KREMEN1: variants seen among roughly 807,000 people sequenced by gnomAD.
KREMEN1 encodes the protein kremen protein 1.
In KREMEN1, 30 loss-of-function variants were observed where a neutral mutation model predicts 46.5. That is an observed-to-expected ratio of 0.65 (90% CI 0.48 to 0.88). KREMEN1 has a LOEUF of 0.88. Ranked by LOEUF, KREMEN1 falls within the 40% of genes least tolerant of loss-of-function variation. The pLI is 0.00. For synonymous variants in KREMEN1, 214 were observed against 230.6 expected (o/e 0.93, Z 0.65); for missense variants, 533 against 596.9 (o/e 0.89, Z 1.11).
chr22:29,109,292 AGG>A (rs1177891671), intron 3 of KREMEN1, among the ~76,000 whole-genome samples: 15 of 152,338 alleles, frequency 9.8e-5, no homozygotes, highest in Middle Eastern at 3.4e-3. Flanking sequence ...TCAAATTGAT[AGG>A]GATGACTTTA....
downstream of KREMEN1, among the ~76,000 whole-genome samples, chr22:29,150,255 G>C (rs117208758): frequency 6.6e-6 from 1 of 152,050 alleles, no homozygotes; most frequent in Admixed American, 6.6e-5. Context: ...GACTGAACAT[G>C]AACCAGTCTG....
intron 6 of KREMEN1, 142 bp downstream of exon 6, chr22:29,137,816 G>C: frequency 1.8e-6 from 1 of 569,988 alleles, no homozygotes; most frequent in Non-Finnish European, 2.9e-6. Flanking sequence ...TCACCCCGAG[G>C]CTGTGGCTCC....
intron 4 of KREMEN1, among the ~76,000 whole-genome samples, chr22:29,122,243 A>G (rs1413853346): frequency 6.6e-6 from 1 of 152,154 alleles, no homozygotes; most frequent in Non-Finnish European, 1.5e-5. Flanking sequence ...GGGAAATACA[A>G]ATTAAAACCA....
chr22:29,149,715 A>T (rs1371447400), downstream of KREMEN1, among the ~76,000 whole-genome samples: 1 of 152,206 alleles, frequency 6.6e-6, no homozygotes, highest in African/African-American at 2.4e-5. Flanking sequence ...TTATGGGACA[A>T]TGAGGCCAGG....
downstream of KREMEN1, among the ~76,000 whole-genome samples, chr22:29,149,305 G>GGT: frequency 6.6e-6 from 1 of 152,256 alleles, no homozygotes; most frequent in African/African-American, 2.4e-5. Context: ...TGGGACTACA[G>GGT]GCACGTGCCA....
intron 3 of KREMEN1, among the ~76,000 whole-genome samples, chr22:29,106,509 G>A (rs1034399565): frequency 5.3e-5 from 8 of 151,592 alleles, no homozygotes; most frequent in Admixed American, 4.6e-4. Flanking sequence ...CTTATTTAAC[G>A]TTTTCAACAA....
chr22:29,134,524 T>C (rs937138782), intron 5 of KREMEN1, among the ~76,000 whole-genome samples: 4 of 152,188 alleles, frequency 2.6e-5, no homozygotes, highest in Admixed American at 2.0e-4. Context: ...TGGGTCATCA[T>C]TGAGTCTAGT....
At chr22:29,159,555 G>A (rs1457760899) in intron 9 of KREMEN1, among the ~76,000 whole-genome samples, 2 of 152,088 alleles carry the variant, frequency 1.3e-5, no homozygotes, top group African/African-American at 4.8e-5. Context: ...GGAGACGGAG[G>A]TTGCAGTGAG....
chr22:29,159,567 C>T (rs918042742), intron 9 of KREMEN1, among the ~76,000 whole-genome samples: 3 of 151,966 alleles, frequency 2.0e-5, no homozygotes, highest in African/African-American at 7.3e-5. Flanking sequence ...TGCAGTGAGC[C>T]GAGATCACGT....
Position 29,146,698 on chromosome 22 carries a change from TTAATA to T in KREMEN1, c.*4589_*4593del. The T allele has an allele frequency of 2.2e-6, 2 of 920,812 alleles. No homozygotes were observed. Among genetic ancestry groups the T allele is most frequent in the Non-Finnish European group, 2.6e-6 (2 of 770,762 alleles). The allele number at this position is 920,812 out of a possible 1,614,324, so 57.0% of individuals were successfully genotyped here. The stretch of plus-strand genomic sequence containing the variant: ...TGAAGTGTGACGCACTGTATACAAT[TTAATA>T]TATATTTTTAGGGTTTTGTTATTTA... On this transcript the variant is annotated 3_prime_UTR_variant, in exon 9 of 9. Coordinates refer to ENST00000400335, the MANE Select transcript of KREMEN1 (RefSeq NM_001039570.3).
chr22:29,138,563 C>CCGCACAA, intron 6 of KREMEN1, 61 bp from the exon 7 acceptor site: 1 of 1,510,854 alleles, frequency 6.6e-7, no homozygotes, highest in Admixed American at 1.7e-5. Context: ...TGCTCTCCTC[C>CCGCACAA]CGCACAACTC....
intron 3 of KREMEN1, among the ~76,000 whole-genome samples, chr22:29,104,831 T>C (rs568919267): frequency 4.6e-5 from 7 of 152,266 alleles, no homozygotes; most frequent in African/African-American, 1.4e-4. Context: ...GAAGCAGCGG[T>C]TGCAGTGAGC....
intron 5 of KREMEN1, among the ~76,000 whole-genome samples, chr22:29,136,222 T>C (rs1331740694): frequency 6.6e-6 from 1 of 150,830 alleles, no homozygotes; most frequent in Non-Finnish European, 1.5e-5. Flanking sequence ...GCGCCCGGAC[T>C]GCTTGTTGTT....
chr22:29,091,076 C>T (rs528524649), intron 1 of KREMEN1, among the ~76,000 whole-genome samples: 5 of 152,328 alleles, frequency 3.3e-5, no homozygotes, highest in East Asian at 1.9e-4. Context: ...TGGGTTCAAG[C>T]GATTCTCCTG....
intron 9 of KREMEN1, among the ~76,000 whole-genome samples, chr22:29,156,729 G>C (rs886475750): frequency 6.6e-6 from 1 of 152,224 alleles, no homozygotes; most frequent in Non-Finnish European, 1.5e-5. Context: ...GGGCCTGCAC[G>C]CAGAGCTGGG....
chr22:29,156,557 GCACAGGAATGCTC>G (rs1352230306), intron 9 of KREMEN1, among the ~76,000 whole-genome samples: 2 of 1,406 alleles, frequency 1.4e-3, no homozygotes, highest in Non-Finnish European at 2.1e-3. Context: ...AATGCTCTCC[GCACAGGAATGCTC>G]TCCGCACAGG....
rs925142926 is a variant in KREMEN1 at position 29,131,191 on chromosome 22, T to C, written c.631+5775T>C. Among the ~76,000 whole-genome samples, 73 of 152,242 alleles carry C rather than the reference T, an allele frequency of 4.8e-4. 1 individual carries two copies. The highest frequency in any genetic ancestry group is 3.9e-3 in the Admixed American group (60 of 15,290). On this transcript the variant is annotated intron_variant, in intron 5 of 8. Transcript: ENST00000400335. The stretch of plus-strand genomic sequence containing the variant: ...CCCCACGAGAGAGAAACTATTACCA[T>C]TTTCATTTTATAGATGAATAAACTG...
chr22:29,119,443 G>A (rs2145808288), intron 3 of KREMEN1, among the ~76,000 whole-genome samples: 1 of 152,286 alleles, frequency 6.6e-6, no homozygotes, highest in African/African-American at 2.4e-5. Context: ...GGAGGATGTG[G>A]GGGTGTGGGA....
chr22:29,133,393 T>A (rs1166076233), intron 5 of KREMEN1, among the ~76,000 whole-genome samples: 3 of 151,954 alleles, frequency 2.0e-5, no homozygotes, highest in Admixed American at 2.0e-4. Context: ...TCGACCCCCC[T>A]GGGCTCAAGC....
Sources: gnomAD v4.1 joint callset for allele counts (sites outside exome capture counted in the v4.1 genomes callset) on GRCh38, gnomAD v4.1.1 for gene constraint, MANE v1.5 for transcripts, NCBI Gene and HGNC (gene_info 2026-07-23, HGNC 2026-07-21) for gene names.